Variants in SLC39A13 observed in about 807,000 individuals in gnomAD.
The protein encoded by SLC39A13 is zinc transporter ZIP13.
In SLC39A13, 18 loss-of-function variants were observed where a neutral mutation model predicts 38.7. The observed-to-expected ratio is 0.47, with a 90% CI of 0.32 to 0.69. The LOEUF (loss-of-function observed/expected upper bound fraction) is 0.69, where lower values mean the gene tolerates loss of function less well. Among genes scored for constraint, SLC39A13 ranks in the 30% least tolerant of loss-of-function variants. SLC39A13 has a pLI of 0.03. For synonymous variants in SLC39A13, 212 were observed against 219.1 expected (o/e 0.97, Z 0.29); for missense variants, 395 against 490.7 (o/e 0.80, Z 1.84).
chr11:47,410,007 G>C, intron 1 of SLC39A13, 80 bp from the exon 2 acceptor site: 2 of 1,555,732 alleles, frequency 1.3e-6, no homozygotes, highest in Non-Finnish European at 8.8e-7. Context: ...CCCTTGCGGG[G>C]AGGAGGGAGG....
intron 5 of SLC39A13, 40 bp from the exon 6 acceptor site, chr11:47,413,557 G>A: frequency 6.2e-7 from 1 of 1,613,162 alleles, no homozygotes; most frequent in East Asian, 2.2e-5. Context: ...TGAGTGGCCA[G>A]CCCCACTCAG....
chr11:47,412,628 C>T (rs1183949741), intron 4 of SLC39A13, among the ~76,000 whole-genome samples, 161 bp downstream of exon 4: 2 of 151,834 alleles, frequency 1.3e-5, no homozygotes, highest in Admixed American at 6.6e-5. Context: ...GGACTGACAC[C>T]ATTAGCCCCT....
rs1300393650 is a variant in SLC39A13 at position 47,414,840 on chromosome 11, C to G, written c.850C>G (p.Leu284Val). The G allele has an allele frequency of 1.2e-6, 2 of 1,612,510 alleles. No individual in the cohort carries two copies. Among genetic ancestry groups the G allele is most frequent in the Non-Finnish European group, 1.7e-6 (2 of 1,180,014 alleles). Residue 284 changes from leucine to valine, a missense_variant, in exon 8 of 10, where the codon CTC (leucine) becomes GTC (valine). By Grantham distance (32) the Leu-to-Val change is conservative. Coordinates refer to ENST00000362021, the MANE Select transcript of SLC39A13 (RefSeq NM_001128225.3). ...FDRWSAAKLQ[L>V]STALGGLLGA... ...CCGATGGAGCGCAGCCAAGCTGCAA[C>G]TCTCAACAGCGCTGGGGGGCCTACT...
chr11:47,414,639 C>A, intron 7 of SLC39A13, 138 bp from the exon 8 acceptor site: 1 of 1,504,270 alleles, frequency 6.6e-7, no homozygotes, highest in Non-Finnish European at 9.1e-7. Context: ...CTGCAGCTGC[C>A]ATCTCTGCCA....
rs752086557 is a variant in SLC39A13 at position 47,410,242 on chromosome 11, A to G, written c.148A>G (p.Asn50Asp). ...GACTGCGACGGCCTGTCGCCTGGAC[A>G]ACAAGGAAAGCGAGTCCTGGGGGGC... The part of the protein sequence containing the change: ...RGTATACRLD[N>D]KESESWGALL... The change falls in exon 2 of 10, where the codon AAC (asparagine) becomes GAC (aspartate). Residue 50 changes from asparagine to aspartate, a missense_variant. By Grantham distance (23) the Asn-to-Asp change is conservative. Transcript: ENST00000362021. The G allele has an allele frequency of 1.2e-6, 2 of 1,614,126 alleles. No homozygotes were observed. The highest frequency in any genetic ancestry group is 1.7e-6 in the Non-Finnish European group (2 of 1,180,014).
chr11:47,412,055 C>A lies in SLC39A13; in HGVS notation c.415+16C>A, dbSNP rs765260943. 1 of 1,597,808 alleles carries A rather than the reference C, an allele frequency of 6.3e-7. No individual in the cohort carries two copies. Among genetic ancestry groups the A allele is most frequent in the South Asian group, 1.1e-5 (1 of 88,710 alleles). On this transcript the variant is annotated intron_variant, in intron 3 of 9. Coordinates refer to ENST00000362021, the MANE Select transcript of SLC39A13 (RefSeq NM_001128225.3). ...GCCAGCCCTGGTAAGTGAGGCCACA[C>A]GCCAGGGGCAAGACAGTGCCAGGAG...
intron 2 of SLC39A13, 91 bp downstream of exon 2, chr11:47,410,486 T>G: frequency 1.4e-6 from 2 of 1,469,318 alleles, no homozygotes; most frequent in Non-Finnish European, 1.9e-6. Flanking sequence ...ACAGAGTGTC[T>G]GAGATGGAGG....
At chr11:47,415,266 G>A (rs764930148) in intron 9 of SLC39A13, 22 bp from the exon 10 acceptor site, 73 of 1,613,660 alleles carry the variant, frequency 4.5e-5, no homozygotes, top group South Asian at 7.7e-5. Flanking sequence ...TGCCTCCACC[G>A]TGAGCCGTTC....
Position 47,415,411 on chromosome 11 carries a change from G to C in SLC39A13, c.*48G>C, listed in dbSNP as rs200741332. On this transcript the variant is annotated 3_prime_UTR_variant, in exon 10 of 10. Transcript: ENST00000362021. ...TGCCCCCTGCAGCAATAAGATGCTC[G>C]GATTCACTCTGTGACCGCATATGTG... The C allele has an allele frequency of 6.3e-7, 1 of 1,599,610 alleles. No homozygotes were observed. Among genetic ancestry groups the C allele is most frequent in the Admixed American group, 1.7e-5 (1 of 59,970 alleles).
chr11:47,415,777 G>A lies in SLC39A13; in HGVS notation c.*414G>A. ...ACTCCAGAGCTGCCCACCTCCCACT[G>A]CCCCCTCAGCACACACACAGTCCCC... is the stretch of plus-strand genomic sequence containing the variant. On this transcript the variant is annotated 3_prime_UTR_variant, in exon 10 of 10. Transcript: ENST00000362021. 5 of 329,648 alleles carry A rather than the reference G, an allele frequency of 1.5e-5. No homozygotes were observed. Among genetic ancestry groups the A allele is most frequent in the Non-Finnish European group, 2.9e-5 (5 of 169,628 alleles). 20.4% of individuals were successfully genotyped at this position (329,648 alleles called of 1,614,324 possible).
At position 47,413,484 on chromosome 11, in the gene SLC39A13, G is replaced by A. The variant is rs761253014; in HGVS notation, c.622G>A (p.Gly208Ser). ...LAQPAAEPGLGAVVRSIKVSG... is the reference protein window; with the variant it reads ...LAQPAAEPGLSAVVRSIKVSG... ...CCAGCCGGCTGCAGAGCCCGGCCTC[G>A]GTGCCGTGGTCCGGAGCATCAAAGT... Residue 208 changes from glycine (G) to serine (S), a missense_variant, in exon 5 of 10, where the codon GGT (glycine) becomes AGT (serine). Gly to Ser is a moderately conservative substitution (Grantham distance 56, BLOSUM62 0). Coordinates refer to ENST00000362021, the MANE Select transcript of SLC39A13 (RefSeq NM_001128225.3). 21 of 1,613,938 alleles carry A rather than the reference G, an allele frequency of 1.3e-5. 1 individual carries two copies. The East Asian group carries it at 1.3e-4, about 10-fold the overall frequency.
At chr11:47,414,698 C>G (rs1397348716) in intron 7 of SLC39A13, 79 bp from the exon 8 acceptor site, 4 of 1,591,746 alleles carry the variant, frequency 2.5e-6, no homozygotes, top group Non-Finnish European at 3.4e-6. Context: ...GCAGGGGGCT[C>G]AGTGTGTATA....
Position 47,414,758 on chromosome 11 carries a change from C to A in SLC39A13, c.787-19C>A. ...AGGCCCCGCTGGGGCGCAGGGTGAA[C>A]CTCTGGACCTCCCTTCAGGTGGGCG... is the stretch of plus-strand genomic sequence containing the variant. On this transcript the variant is annotated intron_variant, in intron 7 of 9. Transcript: ENST00000362021. 1 of 1,605,460 alleles carries A rather than the reference C, an allele frequency of 6.2e-7. No individual in the cohort carries two copies.
chr11:47,411,471 G>A (rs2095998877), intron 2 of SLC39A13, among the ~76,000 whole-genome samples: 1 of 152,160 alleles, frequency 6.6e-6, no homozygotes, highest in South Asian at 2.1e-4. Flanking sequence ...CGGATGTGGT[G>A]GCACACACCT....
chr11:47,410,887 G>A (rs1296712560), intron 2 of SLC39A13, among the ~76,000 whole-genome samples: 1 of 152,234 alleles, frequency 6.6e-6, no homozygotes. Context: ...TTACCCAGCA[G>A]CTCTGTGCCA....
At chr11:47,410,017 G>A (rs960293920) in intron 1 of SLC39A13, 70 bp from the exon 2 acceptor site, 7 of 1,583,860 alleles carry the variant, frequency 4.4e-6, no homozygotes, top group Non-Finnish European at 6.0e-6. Flanking sequence ...GAGGAGGGAG[G>A]CGCCACGTTT....
chr11:47,411,280 C>T (rs763760597), intron 2 of SLC39A13, among the ~76,000 whole-genome samples: 12 of 152,168 alleles, frequency 7.9e-5, no homozygotes, highest in Non-Finnish European at 1.2e-4. Context: ...AAAATTCCCA[C>T]GTAATGAGCA....
Position 47,410,370 on chromosome 11 carries a change from G to T in SLC39A13, c.276G>T (p.Glu92Asp). The T allele has an allele frequency of 6.2e-7, 1 of 1,614,106 alleles. No individual in the cohort carries two copies. The highest frequency in any genetic ancestry group is 8.5e-7 in the Non-Finnish European group (1 of 1,179,984). Residue 92 changes from glutamate (E) to aspartate (D), a missense_variant, in exon 2 of 10, where the codon GAG (glutamate) becomes GAT (aspartate). Glu to Asp is a conservative substitution (Grantham distance 45, BLOSUM62 2). Transcript: ENST00000362021. ...GVFPLLVIPL[E>D]MGTMLRSEAG... ...TCCCGTTGCTTGTCATTCCCCTAGA[G>T]ATGGGGACCATGCTGCGCTCAGAAG...
In SLC39A13 at chr11:47,412,462, A is replaced by G; in HGVS notation, c.532A>G (p.Ser178Gly). 6.2e-7 allele frequency: 1 copy of G among 1,614,174 alleles called. No homozygotes were observed. Among genetic ancestry groups the G allele is most frequent in the Non-Finnish European group, 8.5e-7 (1 of 1,179,990 alleles). Residue 178 changes from serine (S) to glycine (G), a missense_variant, in exon 4 of 10, where the codon AGC becomes GGC. Transcript: ENST00000362021. ...CCTGGACAGCAAGGAGGAGGGGACC[A>G]GCCAGGTGGGCCCCACACTCAAGGG... is the stretch of plus-strand genomic sequence containing the variant. ...MFLDSKEEGTSQAPNKDPTAA... is the reference protein window; with the variant it reads ...MFLDSKEEGTGQAPNKDPTAA...
Sources: gnomAD v4.1 joint callset for allele counts (sites outside exome capture counted in the v4.1 genomes callset) on GRCh38, gnomAD v4.1.1 for gene constraint, MANE v1.5 for transcripts, NCBI Gene and HGNC (gene_info 2026-07-23, HGNC 2026-07-21) for gene names.